CELF4: variants seen among roughly 807,000 people sequenced by gnomAD.
CELF4 encodes CUG-BP- and ETR-3-like factor 4.
A neutral mutation model predicts 59.9 loss-of-function variants in CELF4; 18 were observed. That is an observed-to-expected ratio of 0.30 (90% CI 0.21 to 0.45). CELF4 has a LOEUF of 0.45. CELF4 is among the 20% of genes least tolerant of loss of function. CELF4 has a pLI of 1.00. For missense variants in CELF4, 456 were observed against 689.0 expected (o/e 0.66, Z 3.79); for synonymous variants, 261 against 267.1 (o/e 0.98, Z 0.22).
intron 2 of CELF4, among the ~76,000 whole-genome samples, chr18:37,359,163 G>A (rs965708464): frequency 1.3e-5 from 2 of 152,168 alleles, no homozygotes; most frequent in Non-Finnish European, 2.9e-5. Flanking sequence ...GATGTCATGT[G>A]AAGGGCGACA....
intron 2 of CELF4, among the ~76,000 whole-genome samples, chr18:37,326,516 A>C (rs574567293): frequency 6.6e-6 from 1 of 152,240 alleles, no homozygotes; most frequent in East Asian, 1.9e-4. Flanking sequence ...AGATGTCCTC[A>C]GTGTCCCCAT....
At chr18:37,552,431 G>C (rs1459209074) in intron 1 of CELF4, among the ~76,000 whole-genome samples, 1 of 152,248 alleles carries the variant, frequency 6.6e-6, no homozygotes, top group Non-Finnish European at 1.5e-5. Context: ...TGATGAGGGT[G>C]AGTGTCGAGA....
chr18:37,431,820 TG>T (rs1433871606), intron 2 of CELF4, among the ~76,000 whole-genome samples: 1 of 152,208 alleles, frequency 6.6e-6, no homozygotes, highest in Non-Finnish European at 1.5e-5. Flanking sequence ...CAAATGCATC[TG>T]CAAGGCCGTC....
intron 2 of CELF4, among the ~76,000 whole-genome samples, chr18:37,324,647 A>G (rs1437757807): frequency 1.3e-5 from 2 of 152,170 alleles, no homozygotes; most frequent in South Asian, 2.1e-4. Context: ...TACTACAAGG[A>G]GCTCCCTGTT....
chr18:37,559,267 A>T (rs2099985816), intron 1 of CELF4, among the ~76,000 whole-genome samples: 1 of 151,906 alleles, frequency 6.6e-6, no homozygotes, highest in Admixed American at 6.6e-5. Flanking sequence ...CATCATCTCC[A>T]TGCCACTTGC....
At chr18:37,335,075 C>T (rs992933621) in intron 2 of CELF4, among the ~76,000 whole-genome samples, 5 of 151,394 alleles carry the variant, frequency 3.3e-5, no homozygotes, top group African/African-American at 9.7e-5. Context: ...GAGCCTGCAC[C>T]GCCAGCTCGT....
At chr18:37,386,750 G>T (rs1192800940) in intron 2 of CELF4, among the ~76,000 whole-genome samples, 1 of 152,170 alleles carries the variant, frequency 6.6e-6, no homozygotes, top group Non-Finnish European at 1.5e-5. Flanking sequence ...GTCCTAAATA[G>T]TCTCTCTTTT....
chr18:37,458,876 C>T (rs997840698), intron 2 of CELF4, among the ~76,000 whole-genome samples: 10 of 152,228 alleles, frequency 6.6e-5, no homozygotes, highest in Non-Finnish European at 1.3e-4. Flanking sequence ...CAGAGTTCTT[C>T]GCTGGTTTTA....
At chr18:37,400,359 TAC>T (rs1366587807) in intron 2 of CELF4, among the ~76,000 whole-genome samples, 5 of 152,316 alleles carry the variant, frequency 3.3e-5, no homozygotes, top group African/African-American at 9.6e-5. Context: ...TGTATGCATG[TAC>T]ACACACACAT....
chr18:37,322,404 G>A (rs985894505), intron 2 of CELF4, among the ~76,000 whole-genome samples: 7 of 152,198 alleles, frequency 4.6e-5, no homozygotes, highest in Admixed American at 6.5e-5. Context: ...GCTCTGGGCC[G>A]TCCAGCTCCA....
At chr18:37,554,358 T>TG (rs139401003) in intron 1 of CELF4, among the ~76,000 whole-genome samples, 9,177 of 152,198 alleles carry the variant, frequency 0.06, 360 homozygotes, top group Middle Eastern at 0.099. Context: ...TCTTGCCTCT[T>TG]GATGACCCTG....
chr18:37,298,412 T>C (rs1318805809), intron 3 of CELF4, among the ~76,000 whole-genome samples: 1 of 152,190 alleles, frequency 6.6e-6, no homozygotes, highest in Non-Finnish European at 1.5e-5. Context: ...TGGATCCCTG[T>C]TCCACTCTGA....
At chr18:37,286,724 AAG>A (rs950375158) in intron 3 of CELF4, among the ~76,000 whole-genome samples, 1 of 152,108 alleles carries the variant, frequency 6.6e-6, no homozygotes, top group Non-Finnish European at 1.5e-5. Flanking sequence ...CACTGGAATG[AAG>A]AGAGACTGAT....
At chr18:37,495,283 T>A (rs937276770) in intron 1 of CELF4, among the ~76,000 whole-genome samples, 15 of 152,104 alleles carry the variant, frequency 9.9e-5, no homozygotes, top group Admixed American at 2.0e-4. Context: ...CTAAATTACG[T>A]GATATGGGCG....
chr18:37,498,814 G>A (rs2099928195), intron 1 of CELF4, among the ~76,000 whole-genome samples: 1 of 152,082 alleles, frequency 6.6e-6, no homozygotes, highest in African/African-American at 2.4e-5. Context: ...TATGACAGTA[G>A]CCTCTGCTTT....
At chr18:37,564,788 G>A (rs2099987650) in intron 1 of CELF4, among the ~76,000 whole-genome samples, 1 of 151,276 alleles carries the variant, frequency 6.6e-6, no homozygotes, top group Non-Finnish European at 1.5e-5. Flanking sequence ...TCAGATTATT[G>A]AGGCACACAG....
chr18:37,265,745 G>C (rs553265182), intron 9 of CELF4, among the ~76,000 whole-genome samples: 2 of 152,322 alleles, frequency 1.3e-5, no homozygotes, highest in African/African-American at 4.8e-5. Context: ...CTGGGCTCCA[G>C]ATGTGCCAGG....
intron 8 of CELF4, among the ~76,000 whole-genome samples, chr18:37,270,291 G>C (rs4799439): frequency 6.6e-6 from 1 of 152,216 alleles, no homozygotes; most frequent in African/African-American, 2.4e-5. Flanking sequence ...TCGCGCTTTT[G>C]TGTGCACCAA....
At chr18:37,274,982 CAG>C (rs1361386043) in intron 4 of CELF4, 98 bp from the exon 5 acceptor site, 2 of 1,540,678 alleles carry the variant, frequency 1.3e-6, no homozygotes, top group Non-Finnish European at 1.8e-6. Context: ...ACGGGTGAGG[CAG>C]AGATTGAGAA....
Sources: gnomAD v4.1 joint callset for allele counts (sites outside exome capture counted in the v4.1 genomes callset) on GRCh38, gnomAD v4.1.1 for gene constraint, MANE v1.5 for transcripts, NCBI Gene and HGNC (gene_info 2026-07-23, HGNC 2026-07-21) for gene names.